Variants in ZC3H12B observed in about 807,000 individuals in gnomAD.
The protein encoded by ZC3H12B is probable ribonuclease ZC3H12B.
In ZC3H12B, 7 loss-of-function variants were observed where a neutral mutation model predicts 43.9. The ratio of observed to expected loss-of-function variants is 0.16; its 90% CI spans 0.09 to 0.30. ZC3H12B has a LOEUF of 0.30. Among genes scored for constraint, ZC3H12B ranks in the 10% least tolerant of loss-of-function variants. The pLI, the probability that ZC3H12B is intolerant of heterozygous loss-of-function variation, is 1.00. For missense variants in ZC3H12B, 475 were observed against 670.2 expected, an observed-to-expected ratio of 0.71 and a Z score of 3.22; for synonymous variants, 222 against 241.7, an observed-to-expected ratio of 0.92 and a Z score of 0.76.
At chrX:65,247,856 G>T in the ZC3H12B span, among the ~76,000 whole-genome samples, 1 of 111,983 alleles carries the variant, frequency 8.9e-6, no homozygotes, top group Non-Finnish European at 1.9e-5. Context: ...TAACAGATCT[G>T]TACTTGTAGC....
chrX:65,136,087 A>G, the ZC3H12B span, among the ~76,000 whole-genome samples: 1 of 111,879 alleles, frequency 8.9e-6, no homozygotes, highest in Admixed American at 9.5e-5. Flanking sequence ...TGGTCTTAAT[A>G]TGATGAATGA....
the ZC3H12B span, among the ~76,000 whole-genome samples, chrX:65,318,290 T>C: frequency 9.1e-6 from 1 of 110,431 alleles, no homozygotes; most frequent in Non-Finnish European, 1.9e-5. Context: ...TGTTGAGCAC[T>C]TTTTCATATA....
intron 2 of ZC3H12B, among the ~76,000 whole-genome samples, chrX:65,388,438 A>C (rs1274008340): frequency 8.9e-6 from 1 of 112,004 alleles, no homozygotes; most frequent in Non-Finnish European, 1.9e-5. Flanking sequence ...CAAATCGGCT[A>C]CTGAGGCTTG....
intron 3 of ZC3H12B, among the ~76,000 whole-genome samples, chrX:65,472,382 G>GT (rs1161744253): frequency 1.0e-3 from 89 of 86,252 alleles, no homozygotes; most frequent in African/African-American, 6.7e-3. Context: ...TACAGAAGTT[G>GT]TTTTTTTTGT....
At chrX:65,438,802 GC>G (rs1316849583) in intron 3 of ZC3H12B, among the ~76,000 whole-genome samples, 1 of 113,250 alleles carries the variant, frequency 8.8e-6, no homozygotes, top group African/African-American at 3.2e-5. Flanking sequence ...GGTGTTCCTT[GC>G]CCTCATCCCC....
chrX:65,282,687 A>G, the ZC3H12B span, among the ~76,000 whole-genome samples: 24 of 111,970 alleles, frequency 2.1e-4, no homozygotes, highest in Non-Finnish European at 4.3e-4. Context: ...AGAGAATGCT[A>G]TAAACACCTC....
the ZC3H12B span, among the ~76,000 whole-genome samples, chrX:65,099,550 G>A: frequency 1.8e-5 from 2 of 111,715 alleles, no homozygotes; most frequent in East Asian, 5.7e-4. Context: ...AGTCTTTGCT[G>A]TTCTGTAGCC....
the ZC3H12B span, among the ~76,000 whole-genome samples, chrX:65,274,381 C>T: frequency 9.1e-6 from 1 of 110,428 alleles, no homozygotes; most frequent in Admixed American, 9.7e-5. Flanking sequence ...GCTCTAGGGG[C>T]CAGTAGCTAC....
At chrX:65,048,914 C>G in the ZC3H12B span, among the ~76,000 whole-genome samples, 1 of 111,476 alleles carries the variant, frequency 9.0e-6, no homozygotes. Flanking sequence ...ATTTGTATTT[C>G]TCTGATGATT....
At chrX:65,169,772 C>G in the ZC3H12B span, among the ~76,000 whole-genome samples, 9 of 111,994 alleles carry the variant, frequency 8.0e-5, no homozygotes, top group Non-Finnish European at 1.7e-4. Context: ...TGAATTAATT[C>G]TTTTACCATT....
chrX:65,457,546 C>T (rs1403086914), intron 3 of ZC3H12B, among the ~76,000 whole-genome samples: 2 of 87,252 alleles, frequency 2.3e-5, no homozygotes, highest in African/African-American at 1.6e-4. Context: ...TGCCCGGCCA[C>T]GACCCCGTCT....
the ZC3H12B span, among the ~76,000 whole-genome samples, chrX:65,192,877 G>A: frequency 7.2e-5 from 8 of 110,894 alleles, no homozygotes; most frequent in Admixed American, 3.8e-4. Flanking sequence ...AGTTTCAAGC[G>A]ATTTTCCTGC....
chrX:65,084,493 G>A, the ZC3H12B span, among the ~76,000 whole-genome samples: 1 of 112,144 alleles, frequency 8.9e-6, no homozygotes, highest in Non-Finnish European at 1.9e-5. Context: ...ATGGCAAAGA[G>A]GCATATGATA....
At chrX:65,427,883 G>T (rs2067102672) in intron 3 of ZC3H12B, among the ~76,000 whole-genome samples, 1 of 111,881 alleles carries the variant, frequency 8.9e-6, no homozygotes, top group African/African-American at 3.3e-5. Context: ...ACTTCAGTGT[G>T]TTTTTGTAGT....
the ZC3H12B span, among the ~76,000 whole-genome samples, chrX:65,211,437 T>C: frequency 9.3e-6 from 1 of 107,993 alleles, no homozygotes; most frequent in South Asian, 3.8e-4. Flanking sequence ...TAGTATGTTC[T>C]AGGCACCATG....
chrX:65,219,851 C>CAA, the ZC3H12B span, among the ~76,000 whole-genome samples: 2 of 104,392 alleles, frequency 1.9e-5, no homozygotes, highest in African/African-American at 3.5e-5. Context: ...CACACACACA[C>CAA]AAAACACCTG....
chrX:65,174,120 T>A, the ZC3H12B span, among the ~76,000 whole-genome samples: 1 of 111,051 alleles, frequency 9.0e-6, no homozygotes, highest in African/African-American at 3.3e-5. Context: ...GGAATCTTCA[T>A]CCCAGAGGGG....
intron 3 of ZC3H12B, among the ~76,000 whole-genome samples, chrX:65,483,442 A>G (rs1453036005): frequency 8.9e-6 from 1 of 111,890 alleles, no homozygotes. Context: ...TTTCATTTTG[A>G]GAATCAGTAA....
At chrX:65,450,153 A>C (rs2067452020) in intron 3 of ZC3H12B, among the ~76,000 whole-genome samples, 1 of 106,449 alleles carries the variant, frequency 9.4e-6, no homozygotes, top group African/African-American at 3.4e-5. Context: ...AAAAATACAA[A>C]AATTAGCCGG....
Sources: allele counts gnomAD v4.1 joint callset (sites outside exome capture counted in the v4.1 genomes callset), GRCh38; gene constraint gnomAD v4.1.1; transcripts MANE v1.5; gene names NCBI Gene and HGNC (gene_info 2026-07-23, HGNC 2026-07-21).